SVEP1: variants seen among roughly 807,000 people sequenced by gnomAD.
SVEP1 encodes sushi, von Willebrand factor type A, EGF and pentraxin domain-containing protein 1.
A neutral mutation model predicts 367.3 loss-of-function variants in SVEP1; 164 were observed. The ratio of observed to expected loss-of-function variants is 0.45; its 90% CI spans 0.39 to 0.51. The LOEUF is 0.51. Ranked by LOEUF, SVEP1 falls within the 20% of genes least tolerant of loss-of-function variation. The probability of loss-of-function intolerance (pLI) is 0.00; values close to 1 mark genes in which losing one functional copy is unlikely to be tolerated. For missense variants in SVEP1, 4,117 were observed against 4,425.3 expected (o/e 0.93, Z 1.98); for synonymous variants, 1,666 against 1,611.6 (o/e 1.03, Z -0.81).
At position 110,496,886 on chromosome 9, in the gene SVEP1, T is replaced by G. The variant is rs1829456987; in HGVS notation, c.1729A>C (p.Thr577Pro). Residue 577 changes from threonine (T) to proline (P), a missense_variant, in exon 8 of 48, where the codon ACT becomes CCT. Physicochemically the swap from Thr to Pro is conservative, Grantham distance 38 (BLOSUM62 -1). Around this residue, in one of 4 missense-constraint regions of SVEP1, gnomAD observed 2,174 missense variants for 2,494.3 expected, o/e 0.87. Transcript: ENST00000374469. ...INCPKDIEAK[T>P]LEQQDSANVT... is the part of the protein sequence containing the mutation. ...TTGGCAGAATCTTGCTGTTCCAGAGTCTTAGCCTCTATGTCCTTAGGACAG... is the reference window on the plus strand; with the variant it reads ...TTGGCAGAATCTTGCTGTTCCAGAGGCTTAGCCTCTATGTCCTTAGGACAG... 6.4e-7 allele frequency: 1 copy of G among 1,556,352 alleles called. No homozygotes were observed.
chr9:110,374,501 T>G (rs1326036731), intron 46 of SVEP1, among the ~76,000 whole-genome samples: 1 of 151,902 alleles, frequency 6.6e-6, no homozygotes, highest in African/African-American at 2.4e-5. Context: ...AATAGAAAAA[T>G]TAGCAGGGTA....
At chr9:110,443,323 T>C in intron 27 of SVEP1, 1 of 435,308 alleles carries the variant, frequency 2.3e-6, no homozygotes. Context: ...AGTCTTAATG[T>C]AGATCTTCAA....
At position 110,386,094 on chromosome 9, in the gene SVEP1, A is replaced by C. The variant is rs548582314; in HGVS notation, c.10061-20T>G. On this transcript the variant is annotated intron_variant, in intron 42 of 47. Coordinates refer to ENST00000374469, the MANE Select transcript of SVEP1 (RefSeq NM_153366.4). ...GATTTGCTGTCAAAAAGAAAAGAAA[A>C]TGCTTACTGATATTTCCCCTCTTTT... The C allele has an allele frequency of 1.1e-5, 17 of 1,598,646 alleles. No individual in the cohort carries two copies. Among genetic ancestry groups the C allele is most frequent in the South Asian group, 1.0e-4 (9 of 88,716 alleles).
chr9:110,411,467 A>T lies in SVEP1; in HGVS notation c.6244T>A (p.Phe2082Ile). The T allele has an allele frequency of 6.2e-7, 1 of 1,614,032 alleles. No homozygotes were observed. Among genetic ancestry groups the T allele is most frequent in the Non-Finnish European group, 8.5e-7 (1 of 1,179,880 alleles). ...GQDMPRCIAH[F>I]CEKPPSVSYS... is the part of the protein sequence containing the mutation. The stretch of plus-strand genomic sequence containing the variant: ...GAAACCGATGGAGGTTTTTCACAGA[A>T]ATGAGCTATACAACGGGGCATGTCT... Residue 2082 changes from phenylalanine (F) to isoleucine (I), a missense_variant, in exon 37 of 48, where the codon TTC (phenylalanine) becomes ATC (isoleucine). Physicochemically the swap from Phe to Ile is conservative, Grantham distance 21 (BLOSUM62 0). This residue lies in a region of SVEP1 where 2,174 missense variants were observed against 2,494.3 expected (regional missense o/e 0.87). Coordinates refer to ENST00000374469, the MANE Select transcript of SVEP1 (RefSeq NM_153366.4).
intron 40 of SVEP1, among the ~76,000 whole-genome samples, 174 bp downstream of exon 40, chr9:110,400,679 TA>T: frequency 1.3e-5 from 2 of 152,330 alleles, no homozygotes; most frequent in East Asian, 1.9e-4. Context: ...TTTTACTTTT[TA>T]AAACTCTAAG....
At chr9:110,458,609 A>T in intron 19 of SVEP1, 47 bp from the exon 20 acceptor site, 3 of 1,524,014 alleles carry the variant, frequency 2.0e-6, no homozygotes, top group Non-Finnish European at 2.7e-6. Flanking sequence ...ATATGCCAGT[A>T]AGTGGACTAT....
chr9:110,477,041 GT>G (rs1301097159), intron 13 of SVEP1, among the ~76,000 whole-genome samples: 1 of 152,066 alleles, frequency 6.6e-6, no homozygotes, highest in Non-Finnish European at 1.5e-5. Flanking sequence ...ATAGTTCTTG[GT>G]GATTTCTATA....
At chr9:110,541,131 C>T (rs7848209) in intron 3 of SVEP1, among the ~76,000 whole-genome samples, 104,546 of 151,976 alleles carry the variant, frequency 0.69, 36,819 homozygotes, top group Admixed American at 0.77. Flanking sequence ...CCTCATCTTC[C>T]GAACGAATGA....
At chr9:110,381,680 GGA>G (rs1564124058) in intron 43 of SVEP1, among the ~76,000 whole-genome samples, 1 of 152,160 alleles carries the variant, frequency 6.6e-6, no homozygotes, top group Non-Finnish European at 1.5e-5. Context: ...GTTTTGGGGT[GGA>G]GAGTTCTGTA....
At chr9:110,384,232 T>A (rs970871303) in intron 43 of SVEP1, among the ~76,000 whole-genome samples, 12 of 152,134 alleles carry the variant, frequency 7.9e-5, no homozygotes, top group Non-Finnish European at 1.5e-4. Context: ...GTTTCCTGAG[T>A]GGGGTAGCAC....
At chr9:110,439,695 C>T (rs980150089) in intron 27 of SVEP1, among the ~76,000 whole-genome samples, 3 of 152,144 alleles carry the variant, frequency 2.0e-5, no homozygotes, top group African/African-American at 4.8e-5. Flanking sequence ...CCACTGCGCC[C>T]GGCCAATGTT....
At chr9:110,497,838 T>A (rs985732164) in intron 7 of SVEP1, among the ~76,000 whole-genome samples, 1 of 152,234 alleles carries the variant, frequency 6.6e-6, no homozygotes, top group Non-Finnish European at 1.5e-5. Flanking sequence ...TATATCTGAA[T>A]TGATCTCATT....
At chr9:110,528,152 G>GTATATATATATATATA (rs1366946066) in intron 3 of SVEP1, among the ~76,000 whole-genome samples, 2 of 22,082 alleles carry the variant, frequency 9.1e-5, no homozygotes, top group Non-Finnish European at 1.5e-4. Flanking sequence ...GTGTGTGTGT[G>GTATATATATATATATA]TGTGTATATA....
chr9:110,428,420 A>ACACACACACACACACACACG (rs1828288779), intron 35 of SVEP1, among the ~76,000 whole-genome samples: 1 of 151,520 alleles, frequency 6.6e-6, no homozygotes, highest in Non-Finnish European at 1.5e-5. Context: ...ACACACACAC[A>ACACACACACACACACACACG]CACACACACC....
chr9:110,450,422 C>CT (rs1473827889), intron 23 of SVEP1, among the ~76,000 whole-genome samples, 162 bp from the exon 24 acceptor site: 1 of 141,652 alleles, frequency 7.1e-6, no homozygotes, highest in Non-Finnish European at 1.5e-5. Context: ...TGGGCTCTGG[C>CT]TTTTGTAAGT....
intron 43 of SVEP1, among the ~76,000 whole-genome samples, chr9:110,381,938 G>C (rs1017639530): frequency 6.6e-6 from 1 of 152,146 alleles, no homozygotes; most frequent in African/African-American, 2.4e-5. Flanking sequence ...TTACCATTAT[G>C]AAATGCCCTT....
At position 110,445,893 on chromosome 9, in the gene SVEP1, G is replaced by T. The variant is rs767473565; in HGVS notation, c.4407C>A (p.Ile1469=). ...CGCTGCCGTTATCAACTGCATAGGA[G>T]ATTGGTGTTCCATAGTTCATGTCGT... ...SSDDMNYGTP[I]SYAVDNGSDN... Residue 1469 remains isoleucine (I), a synonymous_variant, in exon 26 of 48, where the codon ATC becomes ATA. Coordinates refer to ENST00000374469, the MANE Select transcript of SVEP1 (RefSeq NM_153366.4). 7 of 1,613,974 alleles carry T rather than the reference G, an allele frequency of 4.3e-6. No individual in the cohort carries two copies. Among genetic ancestry groups the T allele is most frequent in the South Asian group, 1.1e-5 (1 of 91,080 alleles).
intron 40 of SVEP1, among the ~76,000 whole-genome samples, chr9:110,397,086 A>G (rs1827774593): frequency 6.6e-6 from 1 of 152,224 alleles, no homozygotes; most frequent in Non-Finnish European, 1.5e-5. Flanking sequence ...TTGATGCAAA[A>G]ATCCTCAGTA....
At chr9:110,544,330 T>A (rs930204198) in intron 3 of SVEP1, among the ~76,000 whole-genome samples, 1 of 152,116 alleles carries the variant, frequency 6.6e-6, no homozygotes, top group African/African-American at 2.4e-5. Context: ...ATTTTCCTTG[T>A]GGGTGTTAAT....
Sources: allele counts gnomAD v4.1 joint callset (sites outside exome capture counted in the v4.1 genomes callset), GRCh38; gene constraint gnomAD v4.1.1; regional missense constraint gnomAD v4.1.1; transcripts MANE v1.5; gene names NCBI Gene and HGNC (gene_info 2026-07-23, HGNC 2026-07-21).